Variants in SHCBP1 observed in about 807,000 individuals in gnomAD.
SHCBP1 encodes SHC SH2 domain-binding protein 1.
SHCBP1 carries 60 observed loss-of-function variants against 75.1 expected under a neutral mutation model. The observed-to-expected ratio is 0.80, with a 90% CI of 0.65 to 0.99. The LOEUF is 0.99. Ranked by LOEUF, SHCBP1 falls within the 50% of genes least tolerant of loss-of-function variation. The pLI, the probability that SHCBP1 is intolerant of heterozygous loss-of-function variation, is 0.00. For synonymous variants in SHCBP1, 290 were observed against 293.2 expected, an observed-to-expected ratio of 0.99 and a Z score of 0.11; for missense variants, 709 against 809.4, an observed-to-expected ratio of 0.88 and a Z score of 1.50.
rs1035665230 is a variant in SHCBP1 at position 46,581,638 on chromosome 16, C to T, written c.*91G>A. 39 of 1,167,934 alleles carry T rather than the reference C, an allele frequency of 3.3e-5. No individual in the cohort carries two copies. The highest frequency in any genetic ancestry group is 4.6e-5 in the Non-Finnish European group (38 of 818,006). 72.3% of individuals were successfully genotyped at this position (1,167,934 alleles called of 1,614,324 possible). A position where few individuals can be genotyped will look rare whatever the true frequency, so the allele number is the denominator to read the frequency against. On this transcript the variant is annotated 3_prime_UTR_variant, in exon 13 of 13. Transcript: ENST00000303383. ...AGCCCAAATAATCAAATATAAAATA[C>T]AGACAATACAGCAAACTACAATGGC...
intron 10 of SHCBP1, among the ~76,000 whole-genome samples, chr16:46,588,741 G>A (rs1964992624): frequency 6.6e-6 from 1 of 151,714 alleles, no homozygotes; most frequent in African/African-American, 2.4e-5. Flanking sequence ...TCTACCAGAG[G>A]TACAAAGAGG....
At chr16:46,618,178 A>G in intron 2 of SHCBP1, 27 bp downstream of exon 2, 2 of 1,502,238 alleles carry the variant, frequency 1.3e-6, no homozygotes, top group East Asian at 2.4e-5. Context: ...CTCCATCTCA[A>G]AAAAAAAAAG....
intron 4 of SHCBP1, 33 bp from the exon 5 acceptor site, chr16:46,608,422 T>C: frequency 1.4e-6 from 2 of 1,434,544 alleles, no homozygotes; most frequent in South Asian, 1.1e-5. Context: ...TCAAATTCTA[T>C]CACTGGCTCA....
chr16:46,600,102 T>A, intron 8 of SHCBP1, 140 bp from the exon 9 acceptor site: 1 of 967,258 alleles, frequency 1.0e-6, no homozygotes, highest in Non-Finnish European at 1.5e-6. Context: ...AAATAAAATC[T>A]ATCTCCCCAC....
In SHCBP1 at chr16:46,578,683, C is replaced by CAT. The variant is rs1365503947; in HGVS notation, c.*3044_*3045dup. 6.6e-6 allele frequency among the ~76,000 whole-genome samples: 1 copy of CAT among 151,882 alleles called. No homozygotes were observed. Among genetic ancestry groups the CAT allele is most frequent in the Admixed American group, 6.6e-5 (1 of 15,252 alleles). On this transcript the variant is annotated 3_prime_UTR_variant, in exon 13 of 13. Coordinates refer to ENST00000303383, the MANE Select transcript of SHCBP1 (RefSeq NM_024745.5). ...CACATATAAGACTTTAAAACATATACATATATATATTTAATCACAGAATAA... is the reference window on the plus strand; with the variant it reads ...CACATATAAGACTTTAAAACATATACATATATATATATTTAATCACAGAATAA...
Position 46,581,465 on chromosome 16 carries a change from G to T in SHCBP1, c.*264C>A. On this transcript the variant is annotated 3_prime_UTR_variant, in exon 13 of 13. Transcript: ENST00000303383. ...AAAAAGTTACTACCAGGCTTAATATGAGAGAACCATGTGTATAAGAAAGCA... is the reference window on the plus strand; with the variant it reads ...AAAAAGTTACTACCAGGCTTAATATTAGAGAACCATGTGTATAAGAAAGCA... The T allele has an allele frequency of 5.0e-6, 2 of 403,374 alleles. No individual in the cohort carries two copies. Among genetic ancestry groups the T allele is most frequent in the Non-Finnish European group, 4.5e-6 (1 of 224,524 alleles). 25.0% of individuals were successfully genotyped at this position (403,374 alleles called of 1,614,324 possible). A position where few individuals can be genotyped will look rare whatever the true frequency, so the allele number is the denominator to read the frequency against.
chr16:46,601,444 A>G (rs539514817), intron 8 of SHCBP1, among the ~76,000 whole-genome samples: 44 of 152,336 alleles, frequency 2.9e-4, no homozygotes, highest in Non-Finnish European at 5.7e-4. Context: ...TTCCATTATA[A>G]AACAGAACCA....
Position 46,581,650 on chromosome 16 carries a change from C to A in SHCBP1, c.*79G>T. The A allele has an allele frequency of 7.8e-7, 1 of 1,283,348 alleles. No homozygotes were observed. The highest frequency in any genetic ancestry group is 2.1e-5 in the Admixed American group (1 of 48,516). The allele number at this position is 1,283,348 out of a possible 1,614,324, so 79.5% of individuals were successfully genotyped here. A position where few individuals can be genotyped will look rare whatever the true frequency, so the allele number is the denominator to read the frequency against. On this transcript the variant is annotated 3_prime_UTR_variant, in exon 13 of 13. Coordinates refer to ENST00000303383, the MANE Select transcript of SHCBP1 (RefSeq NM_024745.5). The stretch of plus-strand genomic sequence containing the variant: ...CAAATATAAAATACAGACAATACAG[C>A]AAACTACAATGGCAGCAGTGATTCT...
chr16:46,601,046 C>G (rs550463259), intron 8 of SHCBP1, among the ~76,000 whole-genome samples: 9 of 150,800 alleles, frequency 6.0e-5, no homozygotes, highest in Non-Finnish European at 1.3e-4. Context: ...CAGTGGCTCA[C>G]GCCTATAATC....
rs11545690 is a variant in SHCBP1 at position 46,618,297 on chromosome 16, A to C, written c.179T>G (p.Met60Arg). 2.8e-3 allele frequency: 4,489 copies of C among 1,613,896 alleles called. 135 individuals are homozygous for C. The East Asian group carries it at 0.07, about 25-fold the overall frequency. Reference protein sequence around the residue: ...DKPGSSLQSFMPEGKTFFPEI... With the variant: ...DKPGSSLQSFRPEGKTFFPEI... Reference sequence around the variant, plus strand: ...TGGGAAAAAGGTTTTTCCTTCTGGCATAAAACTTTGTAAACTAGAACCTGG... The same window carrying C: ...TGGGAAAAAGGTTTTTCCTTCTGGCCTAAAACTTTGTAAACTAGAACCTGG... The change falls in exon 2 of 13, where the codon ATG (methionine) becomes AGG (arginine). Residue 60 changes from methionine to arginine, a missense_variant. Coordinates refer to ENST00000303383, the MANE Select transcript of SHCBP1 (RefSeq NM_024745.5).
intron 10 of SHCBP1, among the ~76,000 whole-genome samples, chr16:46,594,677 G>A (rs769888853): frequency 2.0e-5 from 3 of 151,624 alleles, no homozygotes; most frequent in African/African-American, 7.3e-5. Flanking sequence ...ACATTTTAGC[G>A]GTTTCTTTAA....
Position 46,584,052 on chromosome 16 carries a change from G to T in SHCBP1, c.1502C>A (p.Thr501Asn). Residue 501 changes from threonine to asparagine, a missense_variant, in exon 11 of 13, where the codon ACC becomes AAC. Coordinates refer to ENST00000303383, the MANE Select transcript of SHCBP1 (RefSeq NM_024745.5). ...GIEIYPGSQC[T>N]LSDNGIHHCK... ...GTGATGGATCCCATTGTCACTCAGG[G>T]TGCACTGACTCCCAGGGTAGATTTC... 2 of 1,605,858 alleles carry T rather than the reference G, an allele frequency of 1.2e-6. No homozygotes were observed. The highest frequency in any genetic ancestry group is 2.2e-5 in the East Asian group (1 of 44,846).
At chr16:46,591,263 A>C (rs941814227) in intron 10 of SHCBP1, among the ~76,000 whole-genome samples, 1 of 152,186 alleles carries the variant, frequency 6.6e-6, no homozygotes, top group African/African-American at 2.4e-5. Context: ...ACATGTATAC[A>C]TATGTAACAA....
chr16:46,588,991 T>G (rs1041708647), intron 10 of SHCBP1, among the ~76,000 whole-genome samples: 8 of 152,186 alleles, frequency 5.3e-5, no homozygotes, highest in Admixed American at 1.3e-4. Context: ...GTTGGCTTCA[T>G]CCCTGGGATG....
At chr16:46,592,950 T>TAAAAAAAA (rs1567444433) in intron 10 of SHCBP1, among the ~76,000 whole-genome samples, 1 of 1,442 alleles carries the variant, frequency 6.9e-4, no homozygotes, top group Non-Finnish European at 1.4e-3. Context: ...ATAAAAATTC[T>TAAAAAAAA]CAAAAAAAAA....
At chr16:46,592,526 G>A (rs1169905099) in intron 10 of SHCBP1, among the ~76,000 whole-genome samples, 2 of 152,068 alleles carry the variant, frequency 1.3e-5, no homozygotes, top group Non-Finnish European at 2.9e-5. Context: ...AACATCTGAA[G>A]AATAAACAGC....
intron 9 of SHCBP1, among the ~76,000 whole-genome samples, chr16:46,599,075 G>C (rs144518614): frequency 6.6e-6 from 1 of 152,290 alleles, no homozygotes; most frequent in East Asian, 1.9e-4. Flanking sequence ...CTTCCATCCA[G>C]ACTACAGAAA....
In SHCBP1 at chr16:46,599,937, C is replaced by T; in HGVS notation, c.1239G>A (p.Val413=). The change falls in exon 9 of 13, where the codon GTG becomes GTA. Residue 413 remains valine (V), a synonymous_variant. Coordinates refer to ENST00000303383, the MANE Select transcript of SHCBP1 (RefSeq NM_024745.5). ...LEGYGLPDDI[V]IEKRGKGDTF... is the part of the protein sequence containing the mutation. ...TGTCGCCTTTGCCCCTCTTTTCTAT[C>T]ACAATGTCATCTGGTAGGCCATATC... 3.1e-6 allele frequency: 5 copies of T among 1,613,414 alleles called. No homozygotes were observed. Among genetic ancestry groups the T allele is most frequent in the African/African-American group, 1.3e-5 (1 of 74,980 alleles).
intron 10 of SHCBP1, among the ~76,000 whole-genome samples, chr16:46,590,157 A>G (rs758300483): frequency 1.3e-4 from 20 of 152,230 alleles, no homozygotes; most frequent in Non-Finnish European, 2.5e-4. Context: ...TACACCTTAC[A>G]AAAATTAATT....
Sources: gnomAD v4.1 joint callset for allele counts (sites outside exome capture counted in the v4.1 genomes callset) on GRCh38, gnomAD v4.1.1 for gene constraint, MANE v1.5 for transcripts, NCBI Gene and HGNC (gene_info 2026-07-23, HGNC 2026-07-21) for gene names.